CBLB: variants seen among roughly 807,000 people sequenced by gnomAD.
The protein encoded by CBLB is E3 ubiquitin-protein ligase CBL-B.
In CBLB, 31 loss-of-function variants were observed where a neutral mutation model predicts 104.9. The observed-to-expected ratio is 0.30, with a 90% CI of 0.22 to 0.40. The LOEUF is 0.40. CBLB is among the 10% of genes least tolerant of loss of function. The pLI is 1.00. For missense variants in CBLB, 1,062 were observed against 1,214.6 expected, an observed-to-expected ratio of 0.87 and a Z score of 1.87; for synonymous variants, 440 against 422.6, an observed-to-expected ratio of 1.04 and a Z score of -0.51.
intron 13 of CBLB, among the ~76,000 whole-genome samples, chr3:105,688,788 A>T (rs2067313247): frequency 6.6e-6 from 1 of 152,064 alleles, no homozygotes; most frequent in Admixed American, 6.5e-5. Context: ...TATCATATAC[A>T]TGCTAATTTT....
intron 3 of CBLB, among the ~76,000 whole-genome samples, chr3:105,814,772 T>A (rs1399036904): frequency 6.6e-6 from 1 of 152,132 alleles, no homozygotes; most frequent in African/African-American, 2.4e-5. Context: ...CAAATTTTCA[T>A]AAACACACCT....
intron 17 of CBLB, chr3:105,671,107 G>T (rs1156349681): frequency 1.1e-5 from 2 of 188,562 alleles, no homozygotes; most frequent in African/African-American, 2.3e-5. Context: ...AAGAGATTTT[G>T]TCAGTGTTGC....
intron 9 of CBLB, among the ~76,000 whole-genome samples, chr3:105,733,305 C>T (rs190822989): frequency 3.4e-4 from 51 of 150,154 alleles, no homozygotes; most frequent in African/African-American, 1.3e-3. Context: ...TGCTGTGTGC[C>T]GAGATCGTGC....
At chr3:105,778,369 C>A (rs1374258355) in intron 3 of CBLB, among the ~76,000 whole-genome samples, 1 of 152,060 alleles carries the variant, frequency 6.6e-6, no homozygotes, top group Non-Finnish European at 1.5e-5. Context: ...CCAAGGAGAT[C>A]ATTTAATATG....
chr3:105,744,329 T>C (rs951584371), intron 6 of CBLB, among the ~76,000 whole-genome samples: 7 of 152,176 alleles, frequency 4.6e-5, no homozygotes, highest in African/African-American at 1.4e-4. Flanking sequence ...GCAAGAAAGA[T>C]ACTTTATATG....
chr3:105,764,523 G>A (rs1485892787), intron 4 of CBLB, among the ~76,000 whole-genome samples: 1 of 152,122 alleles, frequency 6.6e-6, no homozygotes. Context: ...TGTTCTCACT[G>A]CTCCACCAAC....
intron 3 of CBLB, among the ~76,000 whole-genome samples, chr3:105,847,010 T>C (rs2090337420): frequency 6.6e-6 from 1 of 152,124 alleles, no homozygotes; most frequent in African/African-American, 2.4e-5. Flanking sequence ...TGTCATACAG[T>C]AACATAAGGA....
intron 10 of CBLB, among the ~76,000 whole-genome samples, chr3:105,710,030 G>A (rs1251830688): frequency 6.6e-6 from 1 of 151,694 alleles, no homozygotes; most frequent in African/African-American, 2.4e-5. Context: ...TTCTTCTTTG[G>A]GTCACTAGCT....
rs2078833144 is a variant in CBLB at position 105,771,159 on chromosome 3, T to C, written c.566+5237A>G. ...CAAAAATCCTCAACAAAATACTAGC[T>C]AACTAATCCAACAGCACAACAAAAA... On this transcript the variant is annotated intron_variant, in intron 4 of 18. Transcript: ENST00000394030. 2.0e-5 allele frequency among the ~76,000 whole-genome samples: 3 copies of C among 152,244 alleles called. No individual in the cohort carries two copies. In the South Asian group the frequency reaches 6.2e-4, roughly 32 times the overall value.
At chr3:105,837,420 G>T (rs1429848120) in intron 3 of CBLB, among the ~76,000 whole-genome samples, 1 of 152,196 alleles carries the variant, frequency 6.6e-6, no homozygotes, top group Non-Finnish European at 1.5e-5. Flanking sequence ...AACAGTCTTT[G>T]AAGAAATGTT....
chr3:105,816,100 G>A (rs1034661747), intron 3 of CBLB, among the ~76,000 whole-genome samples: 11 of 152,074 alleles, frequency 7.2e-5, no homozygotes, highest in Admixed American at 4.6e-4. Flanking sequence ...AATATCTAAT[G>A]TAGATGATGG....
chr3:105,832,368 C>A (rs974250798), intron 3 of CBLB, among the ~76,000 whole-genome samples: 1 of 152,102 alleles, frequency 6.6e-6, no homozygotes, highest in African/African-American at 2.4e-5. Context: ...TAATGGACAA[C>A]AAATAACGTG....
At chr3:105,736,411 T>C (rs2074946551) in intron 8 of CBLB, among the ~76,000 whole-genome samples, 1 of 152,202 alleles carries the variant, frequency 6.6e-6, no homozygotes. Context: ...GTTACCTACA[T>C]GTACTTTACA....
At chr3:105,754,564 T>C (rs905647849) in intron 4 of CBLB, among the ~76,000 whole-genome samples, 6 of 81,590 alleles carry the variant, frequency 7.4e-5, no homozygotes, top group African/African-American at 2.8e-4. Flanking sequence ...AGAGAGAAAA[T>C]AAAAAGGCCA....
intron 7 of CBLB, among the ~76,000 whole-genome samples, chr3:105,738,186 T>C (rs962427954): frequency 2.6e-5 from 4 of 152,160 alleles, no homozygotes; most frequent in African/African-American, 7.2e-5. Flanking sequence ...CTGTAGTATG[T>C]ATATTTTAAA....
intron 4 of CBLB, among the ~76,000 whole-genome samples, chr3:105,769,833 GATT>G (rs1560162757): frequency 2.6e-5 from 4 of 152,184 alleles, no homozygotes; most frequent in Non-Finnish European, 4.4e-5. Context: ...AGACTGGAAT[GATT>G]AGCTCTGCTT....
At position 105,657,853 on chromosome 3, in the gene CBLB, T is replaced by G. The variant is rs1401078631; in HGVS notation, c.*1117A>C. 2 of 208,746 alleles carry G rather than the reference T, an allele frequency of 9.6e-6. No individual in the cohort carries two copies. The highest frequency in any genetic ancestry group is 4.5e-5 in the African/African-American group (2 of 44,028). The allele number at this position is 208,746 out of a possible 1,614,324, so 12.9% of individuals were successfully genotyped here. On this transcript the variant is annotated 3_prime_UTR_variant, in exon 19 of 19. Transcript: ENST00000394030. ...AACTTTGCAAAAAACATTGCCACAG[T>G]AGCCTTGACACTCAACAGTGCAACG... is the stretch of plus-strand genomic sequence containing the variant.
Position 105,658,874 on chromosome 3 carries a change from G to A in CBLB, c.*96C>T. On this transcript the variant is annotated 3_prime_UTR_variant, in exon 19 of 19. Coordinates refer to ENST00000394030, the MANE Select transcript of CBLB (RefSeq NM_170662.5). Reference sequence around the variant, plus strand: ...TTCTCAAGCTGCTACACGAGGAGGAGACACTTCTCTCTTGAATTCCATCTC... The same window carrying A: ...TTCTCAAGCTGCTACACGAGGAGGAAACACTTCTCTCTTGAATTCCATCTC... The A allele has an allele frequency of 7.4e-7, 1 of 1,348,178 alleles. No homozygotes were observed. The highest frequency in any genetic ancestry group is 1.1e-6 in the Non-Finnish European group (1 of 949,824). The allele number at this position is 1,348,178 out of a possible 1,614,324, so 83.5% of individuals were successfully genotyped here.
chr3:105,688,254 C>G (rs537778083), intron 13 of CBLB, among the ~76,000 whole-genome samples: 1 of 151,952 alleles, frequency 6.6e-6, no homozygotes, highest in Non-Finnish European at 1.5e-5. Context: ...CTTACATTCC[C>G]GGAGTGTTCT....
Sources: gnomAD v4.1 joint callset for allele counts (sites outside exome capture counted in the v4.1 genomes callset) on GRCh38, gnomAD v4.1.1 for gene constraint, MANE v1.5 for transcripts, NCBI Gene and HGNC (gene_info 2026-07-23, HGNC 2026-07-21) for gene names.